The following LRRC49 variants were observed in gnomAD, a reference collection of about 807,000 sequenced individuals.
LRRC49 encodes leucine rich repeat containing 49.
Under a neutral mutation model 83.3 loss-of-function variants are expected in LRRC49, and 50 were observed. That is an observed-to-expected ratio of 0.60 (90% confidence interval 0.48 to 0.76). LRRC49 has a LOEUF of 0.76. Among genes scored for constraint, LRRC49 ranks in the 30% least tolerant of loss-of-function variants. The probability of loss-of-function intolerance (pLI) is 0.00; values close to 1 mark genes in which losing one functional copy is unlikely to be tolerated. For missense variants in LRRC49, 704 were observed against 809.1 expected, an observed-to-expected ratio of 0.87 and a Z score of 1.58; for synonymous variants, 286 against 283.3, an observed-to-expected ratio of 1.01 and a Z score of -0.10.
In LRRC49 at chr15:70,871,441, T is replaced by C. The variant is rs992089073; in HGVS notation, c.-298-1467T>C. Among the ~76,000 whole-genome samples, 10 of 152,206 alleles carry C rather than the reference T, an allele frequency of 6.6e-5. 1 individual carries two copies. Among genetic ancestry groups the C allele is most frequent in the African/African-American group, 2.2e-4 (9 of 41,460 alleles). ...CTCGACAAAACCCCCATCGTCATCA[T>C]GGCCCGCTCTCAATGAGCTGTTGGG... On this transcript the variant is annotated intron_variant, in intron 1 of 16. Coordinates refer to the LRRC49 transcript ENST00000544974.
At chr15:70,996,301 C>T (rs2038072531) in intron 11 of LRRC49, among the ~76,000 whole-genome samples, 1 of 152,010 alleles carries the variant, frequency 6.6e-6, no homozygotes, top group South Asian at 2.1e-4. Flanking sequence ...TTTAAAATCT[C>T]CTAGAACTGA....
intron 9 of LRRC49, among the ~76,000 whole-genome samples, chr15:70,964,653 T>C (rs1417190128): frequency 6.6e-6 from 1 of 152,170 alleles, no homozygotes; most frequent in Non-Finnish European, 1.5e-5. Flanking sequence ...TATTAGCATA[T>C]TATAGGATCC....
At chr15:70,893,114 G>C in intron 1 of LRRC49, 172 bp downstream of exon 1, 1 of 689,402 alleles carries the variant, frequency 1.5e-6, no homozygotes, top group Non-Finnish European at 2.6e-6. Flanking sequence ...ATTTAATATT[G>C]TATGATGGGT....
intron 1 of LRRC49, among the ~76,000 whole-genome samples, chr15:70,870,344 A>G (rs1008970331): frequency 2.0e-5 from 3 of 151,886 alleles, no homozygotes; most frequent in Non-Finnish European, 4.4e-5. Flanking sequence ...GTGGTTTACC[A>G]TTTTTAGAAA....
intron 1 of LRRC49, among the ~76,000 whole-genome samples, chr15:70,855,730 G>A (rs559925071): frequency 6.6e-6 from 1 of 152,324 alleles, no homozygotes; most frequent in South Asian, 2.1e-4. Context: ...CCTAAAATAA[G>A]TAAGTAAAGG....
intron 2 of LRRC49, among the ~76,000 whole-genome samples, chr15:70,874,755 G>A (rs2033117549): frequency 6.6e-6 from 1 of 152,238 alleles, no homozygotes; most frequent in Admixed American, 6.5e-5. Context: ...GTCTACATGA[G>A]GAGGAATCCC....
At chr15:70,965,685 C>G (rs1285141539) in intron 9 of LRRC49, among the ~76,000 whole-genome samples, 1 of 152,038 alleles carries the variant, frequency 6.6e-6, no homozygotes, top group Non-Finnish European at 1.5e-5. Flanking sequence ...GCATGTCTTA[C>G]AACATGTTCT....
At chr15:70,989,276 A>G (rs916034761) in intron 11 of LRRC49, among the ~76,000 whole-genome samples, 6 of 152,178 alleles carry the variant, frequency 3.9e-5, no homozygotes, top group African/African-American at 1.4e-4. Flanking sequence ...AGGTACACCA[A>G]TCAGACGTAG....
At chr15:70,898,914 A>G (rs1033574287) in intron 3 of LRRC49, among the ~76,000 whole-genome samples, 4 of 152,204 alleles carry the variant, frequency 2.6e-5, no homozygotes, top group African/African-American at 9.7e-5. Context: ...GTATACCCAC[A>G]TATATATGTG....
chr15:71,048,426 A>C (rs948557978), intron 15 of LRRC49, among the ~76,000 whole-genome samples: 1 of 152,258 alleles, frequency 6.6e-6, no homozygotes, highest in African/African-American at 2.4e-5. Flanking sequence ...CATTTAATTT[A>C]TCTTGAAATT....
At chr15:70,915,442 CTATATATTTATA>C (rs1163177611) in intron 6 of LRRC49, among the ~76,000 whole-genome samples, 1 of 152,100 alleles carries the variant, frequency 6.6e-6, no homozygotes, top group Non-Finnish European at 1.5e-5. Flanking sequence ...CCCCATAACT[CTATATATTTATA>C]TATTTCTTGA....
At chr15:70,982,539 C>T (rs2037441483) in intron 10 of LRRC49, among the ~76,000 whole-genome samples, 2 of 152,134 alleles carry the variant, frequency 1.3e-5, no homozygotes, top group African/African-American at 2.4e-5. Flanking sequence ...AAAGTATATA[C>T]ATATTAAATA....
chr15:71,006,230 C>A (rs887481183), intron 11 of LRRC49, among the ~76,000 whole-genome samples: 1 of 151,994 alleles, frequency 6.6e-6, no homozygotes, highest in African/African-American at 2.4e-5. Context: ...ACTTGACAAG[C>A]CCTTTACACA....
Position 71,053,280 on chromosome 15 carries a change from G to A in LRRC49, c.*3668G>A, listed in dbSNP as rs1415856964. The A allele has an allele frequency of 1.3e-5, 2 of 152,184 alleles. No homozygotes were observed. The highest frequency in any genetic ancestry group is 4.8e-5 in the African/African-American group (2 of 41,442). The allele number at this position is 152,184 out of a possible 1,614,324, so 9.4% of individuals were successfully genotyped here. A position where few individuals can be genotyped will look rare whatever the true frequency, so the allele number is the denominator to read the frequency against. ...ATTTACTGACAGAACTGGATATGGA[G>A]TATGAGAAACAGTAGTCAATGATGG... On this transcript the variant is annotated 3_prime_UTR_variant, in exon 16 of 16. Coordinates refer to ENST00000260382, the MANE Select transcript of LRRC49 (RefSeq NM_017691.5).
At chr15:70,983,656 C>T (rs928486568) in intron 10 of LRRC49, among the ~76,000 whole-genome samples, 35 of 151,990 alleles carry the variant, frequency 2.3e-4, no homozygotes, top group African/African-American at 8.5e-4. Flanking sequence ...ATTATTTCAC[C>T]TTACCAGTCT....
At chr15:70,864,188 T>A (rs2032861526) in intron 1 of LRRC49, among the ~76,000 whole-genome samples, 1 of 152,060 alleles carries the variant, frequency 6.6e-6, no homozygotes, top group African/African-American at 2.4e-5. Context: ...TAGGTTTGTG[T>A]ATTAATAACA....
chr15:70,914,466 A>G (rs1466604388), intron 6 of LRRC49, among the ~76,000 whole-genome samples: 2 of 152,172 alleles, frequency 1.3e-5, no homozygotes, highest in African/African-American at 4.8e-5. Context: ...GTAGAGATGG[A>G]AGGAGGGGAA....
rs201231601 is a variant in LRRC49, at chr15:71,037,352, T to C, written c.1857+20T>C. The C allele has an allele frequency of 2.6e-4, 404 of 1,571,026 alleles. 3 individuals are homozygous for C. The East Asian group carries it at 9.1e-3, about 35-fold the overall frequency. ...CTAGAGGTAAAACTACTGTTAATCT[T>C]TGCGATCTAATGCCAGGATATATCC... On this transcript the variant is annotated intron_variant, in intron 15 of 15. Transcript: ENST00000260382.
At chr15:71,044,886 C>CT (rs71152326) in intron 15 of LRRC49, among the ~76,000 whole-genome samples, 1,084 of 74,386 alleles carry the variant, frequency 0.015, 64 homozygotes, top group African/African-American at 0.039. Flanking sequence ...CAGAAACAAT[C>CT]TTTTTTTTTT....
Sources: allele counts gnomAD v4.1 joint callset (sites outside exome capture counted in the v4.1 genomes callset), GRCh38; gene constraint gnomAD v4.1.1; transcripts MANE v1.5; gene names NCBI Gene and HGNC (gene_info 2026-07-23, HGNC 2026-07-21).